Variants in ZFPM2 observed in about 807,000 individuals in gnomAD.
ZFPM2 encodes zinc finger protein, FOG family member 2.
ZFPM2 carries 20 observed loss-of-function variants against 98.6 expected under a neutral mutation model. The observed-to-expected ratio is 0.20, with a 90% CI of 0.14 to 0.29. The LOEUF is 0.29. Among genes scored for constraint, ZFPM2 ranks in the 10% least tolerant of loss-of-function variants. ZFPM2 has a pLI of 1.00. For synonymous variants in ZFPM2, 518 were observed against 502.7 expected (o/e 1.03, Z -0.41); for missense variants, 1,310 against 1,388.6 (o/e 0.94, Z 0.90).
intron 5 of ZFPM2, among the ~76,000 whole-genome samples, chr8:105,667,904 A>G (rs2130898397): frequency 6.6e-6 from 1 of 152,312 alleles, no homozygotes; most frequent in Non-Finnish European, 1.5e-5. Flanking sequence ...ATTGTGATAC[A>G]CCTCAGTAGA....
At chr8:105,565,198 G>T (rs924384568) in intron 4 of ZFPM2, among the ~76,000 whole-genome samples, 9 of 152,060 alleles carry the variant, frequency 5.9e-5, no homozygotes, top group African/African-American at 1.9e-4. Flanking sequence ...GCCACCTTCT[G>T]CAGGAAGCCT....
At chr8:105,419,416 A>G in intron 2 of ZFPM2, 114 bp downstream of exon 2, 2 of 1,275,856 alleles carry the variant, frequency 1.6e-6, no homozygotes, top group East Asian at 2.6e-5. Flanking sequence ...CCGTCTGAAA[A>G]TAAGTGCAGA....
Position 105,802,860 on chromosome 8 carries a change from C to G in ZFPM2, c.2778C>G (p.Ser926=). The change falls in exon 8 of 8, where the codon TCC becomes TCG. Residue 926 remains serine, a synonymous_variant. Transcript: ENST00000407775. ...CEKNGNLKQP[S]PNGNLFSSHL... is the part of the protein sequence containing the mutation. ...AAAATGGGAATTTGAAGCAGCCTTCCCCCAATGGAAACTTATTTTCATCCC... is the reference window on the plus strand; with the variant it reads ...AAAATGGGAATTTGAAGCAGCCTTCGCCCAATGGAAACTTATTTTCATCCC... 6.2e-7 allele frequency: 1 copy of G among 1,613,698 alleles called. No individual in the cohort carries two copies. The highest frequency in any genetic ancestry group is 8.5e-7 in the Non-Finnish European group (1 of 1,179,812).
chr8:105,488,267 C>A (rs903197015), intron 3 of ZFPM2, among the ~76,000 whole-genome samples: 1 of 152,184 alleles, frequency 6.6e-6, no homozygotes, highest in Middle Eastern at 3.4e-3. Context: ...ATAAGCAATC[C>A]GTGATGTATT....
chr8:105,715,233 T>C (rs1811490158), intron 5 of ZFPM2, among the ~76,000 whole-genome samples: 1 of 151,810 alleles, frequency 6.6e-6, no homozygotes, highest in Admixed American at 6.6e-5. Flanking sequence ...ACCCCATCTC[T>C]ACAAAAAAAA....
intron 7 of ZFPM2, 147 bp downstream of exon 7, chr8:105,799,095 C>A: frequency 1.4e-6 from 1 of 692,290 alleles, no homozygotes; most frequent in Non-Finnish European, 2.3e-6. Context: ...CCAGTGTGAT[C>A]TTATGCCACT....
At chr8:105,348,025 TTG>T (rs377284669) in intron 1 of ZFPM2, among the ~76,000 whole-genome samples, 1 of 151,906 alleles carries the variant, frequency 6.6e-6, no homozygotes, top group African/African-American at 2.4e-5. Flanking sequence ...GAGAATACAT[TTG>T]TGTGTGTGTG....
At chr8:105,668,534 A>C (rs370570841) in intron 5 of ZFPM2, among the ~76,000 whole-genome samples, 7 of 152,186 alleles carry the variant, frequency 4.6e-5, no homozygotes, top group South Asian at 2.1e-4. Context: ...TTTTGTCCGC[A>C]TCTTCTTTTT....
At chr8:105,649,821 A>C (rs1179993135) in intron 5 of ZFPM2, among the ~76,000 whole-genome samples, 1 of 152,138 alleles carries the variant, frequency 6.6e-6, no homozygotes, top group Admixed American at 6.6e-5. Context: ...ATGTTCATCA[A>C]GGATATTGGT....
At chr8:105,787,123 A>C (rs1385313946) in intron 5 of ZFPM2, 1 of 152,246 alleles carries the variant, frequency 6.6e-6, no homozygotes, top group African/African-American at 2.4e-5. Flanking sequence ...AGGAAGGCAT[A>C]GAAGCTAATC....
chr8:105,506,982 C>G (rs215400), intron 3 of ZFPM2, among the ~76,000 whole-genome samples: 2 of 140,442 alleles, frequency 1.4e-5, no homozygotes, highest in African/African-American at 2.7e-5. Context: ...AGCCAGACTC[C>G]GTCTCCAAAA....
At chr8:105,489,458 A>AGATATATGTTT in intron 3 of ZFPM2, among the ~76,000 whole-genome samples, 1 of 73,132 alleles carries the variant, frequency 1.4e-5, no homozygotes, top group African/African-American at 5.8e-5. Flanking sequence ...TTATATATAT[A>AGATATATGTTT]TATATATATT....
chr8:105,559,032 C>T (rs1195741236), intron 3 of ZFPM2, among the ~76,000 whole-genome samples: 2 of 152,020 alleles, frequency 1.3e-5, no homozygotes, highest in African/African-American at 4.8e-5. Flanking sequence ...TATATTGAGT[C>T]GTGTTGTCCC....
At chr8:105,788,633 G>C in intron 5 of ZFPM2, 85 bp from the exon 6 acceptor site, 1 of 1,309,738 alleles carries the variant, frequency 7.6e-7, no homozygotes, top group South Asian at 1.2e-5. Flanking sequence ...AAAAACATGA[G>C]AAGGTGCTAT....
intron 5 of ZFPM2, among the ~76,000 whole-genome samples, chr8:105,758,006 T>G (rs552133941): frequency 6.6e-6 from 1 of 152,222 alleles, no homozygotes; most frequent in African/African-American, 2.4e-5. Flanking sequence ...GGAAGGCATA[T>G]TGGAGAGTAA....
chr8:105,323,855 G>A (rs1385844315), intron 1 of ZFPM2, among the ~76,000 whole-genome samples: 1 of 151,704 alleles, frequency 6.6e-6, no homozygotes, highest in Non-Finnish European at 1.5e-5. Context: ...CTAAAACTTG[G>A]AGATATGACT....
At chr8:105,480,686 T>G (rs1384759040) in intron 3 of ZFPM2, among the ~76,000 whole-genome samples, 1 of 152,006 alleles carries the variant, frequency 6.6e-6, no homozygotes, top group African/African-American at 2.4e-5. Context: ...AGAAGAAATA[T>G]TTTAAGTTAT....
intron 1 of ZFPM2, among the ~76,000 whole-genome samples, chr8:105,389,728 G>A (rs186681097): frequency 3.3e-5 from 5 of 152,288 alleles, no homozygotes; most frequent in East Asian, 1.9e-4. Context: ...AAATCTGTAT[G>A]TATTTATATA....
intron 4 of ZFPM2, among the ~76,000 whole-genome samples, chr8:105,564,253 G>A (rs1784135731): frequency 6.6e-6 from 1 of 151,494 alleles, no homozygotes; most frequent in Admixed American, 6.6e-5. Flanking sequence ...TCAACAATTG[G>A]GTAATGGGTG....
Sources: allele counts gnomAD v4.1 joint callset (sites outside exome capture counted in the v4.1 genomes callset), GRCh38; gene constraint gnomAD v4.1.1; transcripts MANE v1.5; gene names NCBI Gene and HGNC (gene_info 2026-07-23, HGNC 2026-07-21).